Variants in GATAD2A observed in about 807,000 individuals in gnomAD.
GATAD2A encodes the protein transcriptional repressor p66-alpha.
GATAD2A carries 12 observed loss-of-function variants against 68.5 expected under a neutral mutation model. That is an observed-to-expected ratio of 0.18 (90% CI 0.11 to 0.28). The LOEUF (loss-of-function observed/expected upper bound fraction) is 0.28. GATAD2A is among the 10% of genes least tolerant of loss of function. The pLI, the probability that GATAD2A is intolerant of heterozygous loss-of-function variation, is 1.00. For missense variants in GATAD2A, 755 were observed against 868.5 expected (o/e 0.87, Z 1.64); for synonymous variants, 410 against 375.3 (o/e 1.09, Z -1.07).
intron 1 of GATAD2A, among the ~76,000 whole-genome samples, chr19:19,407,301 G>A (rs1318147011): frequency 1.3e-5 from 2 of 152,260 alleles, no homozygotes; most frequent in Non-Finnish European, 2.9e-5. Flanking sequence ...GCAGTAGTTT[G>A]TCAGACCTGA....
chr19:19,415,538 T>C (rs1568714018), intron 1 of GATAD2A, among the ~76,000 whole-genome samples: 1 of 151,444 alleles, frequency 6.6e-6, no homozygotes. Context: ...TAACCTCCGC[T>C]TCCCAGATTC....
rs2060957087 is a variant in GATAD2A at position 19,508,409 on chromosome 19, C to G, written c.*2935C>G. On this transcript the variant is annotated 3_prime_UTR_variant, in exon 12 of 12. Coordinates refer to ENST00000683918, the MANE Select transcript of GATAD2A (RefSeq NM_001384528.1). ...GAACAGCCCACAGTGCTAGTTGTGC[C>G]TGGTCTTACCTGTACTCCACGGACC... 1 of 152,240 alleles carries G rather than the reference C, an allele frequency of 6.6e-6. No individual in the cohort carries two copies. The highest frequency in any genetic ancestry group is 6.5e-5 in the Admixed American group (1 of 15,286). 9.4% of individuals were successfully genotyped at this position (152,240 alleles called of 1,614,324 possible). A position where few individuals can be genotyped will look rare whatever the true frequency, so the allele number is the denominator to read the frequency against.
At chr19:19,419,746 C>T (rs1180121810) in intron 1 of GATAD2A, among the ~76,000 whole-genome samples, 1 of 151,954 alleles carries the variant, frequency 6.6e-6, no homozygotes, top group Non-Finnish European at 1.5e-5. Context: ...GAACTCCTGA[C>T]CTCAGGTGAT....
intron 1 of GATAD2A, among the ~76,000 whole-genome samples, chr19:19,425,785 C>CT (rs1243765913): frequency 6.6e-6 from 1 of 150,994 alleles, no homozygotes; most frequent in Non-Finnish European, 1.5e-5. Context: ...TTTTCTTTTT[C>CT]TTTTCTTTTC....
chr19:19,406,916 G>A (rs560091790), intron 1 of GATAD2A, among the ~76,000 whole-genome samples: 73 of 152,268 alleles, frequency 4.8e-4, no homozygotes, highest in African/African-American at 1.7e-3. Context: ...TTTGCACAGG[G>A]CAAAATTTTG....
At chr19:19,466,759 C>G (rs761430829) in intron 2 of GATAD2A, among the ~76,000 whole-genome samples, 6 of 152,348 alleles carry the variant, frequency 3.9e-5, no homozygotes, top group Non-Finnish European at 7.3e-5. Context: ...CTGTCTGACT[C>G]TGCTGTCTGC....
intron 1 of GATAD2A, among the ~76,000 whole-genome samples, chr19:19,453,819 A>G (rs1297507242): frequency 6.6e-6 from 1 of 151,534 alleles, no homozygotes; most frequent in African/African-American, 2.4e-5. Flanking sequence ...GCCCGCCACC[A>G]CACCTGGCTA....
At chr19:19,388,267 G>T (rs1214324621) in intron 1 of GATAD2A, among the ~76,000 whole-genome samples, 2 of 152,054 alleles carry the variant, frequency 1.3e-5, no homozygotes, top group Admixed American at 6.6e-5. Context: ...ATGTGGGTCA[G>T]GGTGGTCTCG....
intron 1 of GATAD2A, among the ~76,000 whole-genome samples, chr19:19,448,378 C>T (rs189144653): frequency 5.3e-5 from 8 of 152,362 alleles, no homozygotes; most frequent in Admixed American, 5.2e-4. Flanking sequence ...CCACTTCAAG[C>T]ACGGCCTCAA....
chr19:19,495,059 G>A (rs1205856057), intron 5 of GATAD2A, among the ~76,000 whole-genome samples: 3 of 152,160 alleles, frequency 2.0e-5, no homozygotes, highest in Non-Finnish European at 2.9e-5. Flanking sequence ...GCAGTGGCAC[G>A]ATCTCAGCTG....
intron 2 of GATAD2A, among the ~76,000 whole-genome samples, chr19:19,468,435 T>C (rs2058039754): frequency 1.3e-5 from 2 of 151,802 alleles, no homozygotes; most frequent in South Asian, 4.2e-4. Context: ...AAAAACATAC[T>C]TGAGGAGAAA....
chr19:19,465,342 C>G lies in GATAD2A; in HGVS notation c.-4C>G. The G allele has an allele frequency of 1.2e-6, 2 of 1,613,420 alleles. No homozygotes were observed. The highest frequency in any genetic ancestry group is 1.1e-5 in the South Asian group (1 of 91,074). On this transcript the variant is annotated splice_region_variant and 5_prime_UTR_variant, in exon 2 of 12. Transcript: ENST00000683918. ...TGTGTCTTCTCCTCCCTCCCAAGTT[C>G]AGAATGACCGAAGAAGCATGCCGAA...
intron 2 of GATAD2A, among the ~76,000 whole-genome samples, chr19:19,478,811 CAA>C (rs796546803): frequency 1.1e-5 from 1 of 93,794 alleles, no homozygotes. Context: ...GACCTTGTCT[CAA>C]AAAAAAAAAA....
chr19:19,414,810 C>T (rs1474817510), intron 1 of GATAD2A, among the ~76,000 whole-genome samples: 1 of 145,740 alleles, frequency 6.9e-6, no homozygotes, highest in Non-Finnish European at 1.5e-5. Context: ...GCTAGGATTA[C>T]AGGTGTGAGC....
intron 4 of GATAD2A, among the ~76,000 whole-genome samples, chr19:19,493,753 C>T (rs10412351): frequency 0.032 from 4,876 of 151,076 alleles, 273 homozygotes; most frequent in African/African-American, 0.11. Context: ...CCCCGCCCCC[C>T]ACCTTACACC....
chr19:19,506,355 AG>A lies in GATAD2A; in HGVS notation c.*887del, dbSNP rs1276448115. On this transcript the variant is annotated 3_prime_UTR_variant, in exon 12 of 12. Transcript: ENST00000683918. ...GCAGCAGCCCTGAGCAGAAAGCTGG[AG>A]GGGGGACTGTCGCGGGGTTTTTCTG... is the stretch of plus-strand genomic sequence containing the variant. 13 of 396,650 alleles carry A rather than the reference AG, an allele frequency of 3.3e-5. No individual in the cohort carries two copies. Among genetic ancestry groups the A allele is most frequent in the Non-Finnish European group, 5.3e-5 (12 of 225,230 alleles). 24.6% of individuals were successfully genotyped at this position (396,650 alleles called of 1,614,324 possible). A position where few individuals can be genotyped will look rare whatever the true frequency, so the allele number is the denominator to read the frequency against.
intron 2 of GATAD2A, among the ~76,000 whole-genome samples, chr19:19,471,453 G>A (rs878914223): frequency 2.6e-5 from 4 of 151,702 alleles, no homozygotes; most frequent in Non-Finnish European, 5.9e-5. Flanking sequence ...TACAGGGCAT[G>A]TCCCCCCAAA....
At position 19,507,760 on chromosome 19, in the gene GATAD2A, T is replaced by C. The variant is rs1421337469; in HGVS notation, c.*2286T>C. ...TACATACTGTGATGTAAACTTTTTTTTTTTCCCCCCAGGGGGCAAAAGTGT... is the reference window on the plus strand; with the variant it reads ...TACATACTGTGATGTAAACTTTTTTCTTTTCCCCCCAGGGGGCAAAAGTGT... On this transcript the variant is annotated 3_prime_UTR_variant, in exon 12 of 12. Coordinates refer to ENST00000683918, the MANE Select transcript of GATAD2A (RefSeq NM_001384528.1). 6.6e-6 allele frequency: 1 copy of C among 152,160 alleles called. No individual in the cohort carries two copies. Among genetic ancestry groups the C allele is most frequent in the Non-Finnish European group, 1.5e-5 (1 of 68,028 alleles). The allele number at this position is 152,160 out of a possible 1,614,324, so 9.4% of individuals were successfully genotyped here. A position where few individuals can be genotyped will look rare whatever the true frequency, so the allele number is the denominator to read the frequency against.
At position 19,415,711 on chromosome 19, in the gene GATAD2A, C is replaced by T. The variant is rs1286380301; in HGVS notation, c.-7+9692C>T. On this transcript the variant is annotated intron_variant, in intron 1 of 11. Coordinates refer to ENST00000683918, the MANE Select transcript of GATAD2A (RefSeq NM_001384528.1). ...TGGCTCACTGCAACTTCTGCTTCCT[C>T]GGTTCAAGCAATTCTCCTGCCTCAG... Among the ~76,000 whole-genome samples, 5 of 147,244 alleles carry T rather than the reference C, an allele frequency of 3.4e-5. No individual in the cohort carries two copies. In the South Asian group the frequency reaches 6.5e-4, roughly 19 times the overall value.
Sources: gnomAD v4.1 joint callset for allele counts (sites outside exome capture counted in the v4.1 genomes callset) on GRCh38, gnomAD v4.1.1 for gene constraint, MANE v1.5 for transcripts, NCBI Gene and HGNC (gene_info 2026-07-23, HGNC 2026-07-21) for gene names.